The following GRM5 variants were observed in gnomAD, a reference collection of about 807,000 sequenced individuals.
The protein encoded by GRM5 is metabotropic glutamate receptor 5.
A neutral mutation model predicts 83.1 loss-of-function variants in GRM5; 19 were observed. The ratio of observed to expected loss-of-function variants is 0.23; its 90% confidence interval spans 0.16 to 0.34. The LOEUF (loss-of-function observed/expected upper bound fraction) is 0.34. Among genes scored for constraint, GRM5 ranks in the 10% least tolerant of loss-of-function variants. The pLI is 1.00. For synonymous variants in GRM5, 675 were observed against 633.6 expected (o/e 1.07, Z -0.98); for missense variants, 1,160 against 1,588.3 (o/e 0.73, Z 4.58).
At chr11:88,818,521 G>A (rs542531287) in intron 3 of GRM5, among the ~76,000 whole-genome samples, 2 of 152,138 alleles carry the variant, frequency 1.3e-5, no homozygotes, top group East Asian at 1.9e-4. Flanking sequence ...AGCAAGATTA[G>A]ATTTATAAAT....
At chr11:88,640,310 T>C (rs1939253620) in intron 4 of GRM5, among the ~76,000 whole-genome samples, 1 of 152,202 alleles carries the variant, frequency 6.6e-6, no homozygotes, top group Non-Finnish European at 1.5e-5. Context: ...AGTATAGTCT[T>C]TCCTAAAGTA....
intron 3 of GRM5, among the ~76,000 whole-genome samples, chr11:88,795,563 TAAC>T (rs1565234488): frequency 1.3e-5 from 2 of 152,196 alleles, no homozygotes; most frequent in Non-Finnish European, 2.9e-5. Context: ...CTGTTAATAA[TAAC>T]AATAATACCT....
Position 88,759,906 on chromosome 11 carries a change from A to G in GRM5, c.911+90000T>C, listed in dbSNP as rs545770165. 2.6e-5 allele frequency among the ~76,000 whole-genome samples: 4 copies of G among 152,250 alleles called. No individual in the cohort carries two copies. In the East Asian group the frequency reaches 7.7e-4, roughly 29 times the overall value. On this transcript the variant is annotated intron_variant, in intron 3 of 9. Transcript: ENST00000305447. ...AGACCACAACAAAATCAAATTAGAA[A>G]TCAAGACTAAGAAATGCACTCAAAA... is the stretch of plus-strand genomic sequence containing the variant.
At chr11:88,676,391 T>G in intron 3 of GRM5, among the ~76,000 whole-genome samples, 1 of 152,016 alleles carries the variant, frequency 6.6e-6, no homozygotes, top group East Asian at 1.9e-4. Context: ...CAAGCTGTTC[T>G]TTATTCACCT....
chr11:88,663,638 T>G (rs902155813), intron 3 of GRM5, among the ~76,000 whole-genome samples: 1 of 152,218 alleles, frequency 6.6e-6, no homozygotes, highest in Non-Finnish European at 1.5e-5. Flanking sequence ...AATCCCTTCT[T>G]CCACTGAATT....
chr11:88,619,402 C>CA (rs563689038), intron 4 of GRM5, among the ~76,000 whole-genome samples: 25 of 152,178 alleles, frequency 1.6e-4, no homozygotes, highest in Non-Finnish European at 2.6e-4. Flanking sequence ...CTTGATAATT[C>CA]AGAAGATGTG....
intron 3 of GRM5, among the ~76,000 whole-genome samples, chr11:88,828,620 C>T (rs1943933946): frequency 6.6e-6 from 1 of 151,950 alleles, no homozygotes; most frequent in Non-Finnish European, 1.5e-5. Flanking sequence ...AATTATTATA[C>T]ACCAGTGATT....
chr11:88,589,900 A>G (rs1333135217), intron 7 of GRM5, among the ~76,000 whole-genome samples: 3 of 152,176 alleles, frequency 2.0e-5, no homozygotes, highest in Admixed American at 6.5e-5. Flanking sequence ...ACATGAGTGC[A>G]TTTAATAAAT....
chr11:88,668,212 GCACACA>G (rs71046259), intron 3 of GRM5, among the ~76,000 whole-genome samples: 3 of 142,572 alleles, frequency 2.1e-5, no homozygotes, highest in African/African-American at 8.0e-5. Context: ...GCAGAAACTC[GCACACA>G]CACACACACA....
chr11:88,975,083 G>A (rs557314578), intron 2 of GRM5, among the ~76,000 whole-genome samples: 8 of 152,298 alleles, frequency 5.3e-5, no homozygotes, highest in Non-Finnish European at 1.0e-4. Flanking sequence ...AGAATTAGAC[G>A]TTTAGGACTT....
At chr11:88,959,958 A>G (rs1037470705) in intron 2 of GRM5, among the ~76,000 whole-genome samples, 3 of 152,210 alleles carry the variant, frequency 2.0e-5, no homozygotes, top group Non-Finnish European at 2.9e-5. Context: ...TCAGTTTAAC[A>G]TATGGTGTTT....
At chr11:88,874,227 G>A (rs1231698552) in intron 2 of GRM5, among the ~76,000 whole-genome samples, 1 of 151,370 alleles carries the variant, frequency 6.6e-6, no homozygotes, top group Non-Finnish European at 1.5e-5. Context: ...CATGGTATTT[G>A]CATAAAAAAC....
chr11:88,679,168 C>A (rs1481703281), intron 3 of GRM5, among the ~76,000 whole-genome samples: 1 of 152,136 alleles, frequency 6.6e-6, no homozygotes, highest in African/African-American at 2.4e-5. Context: ...AATTAAGTTT[C>A]AGTTGCACTG....
At chr11:89,061,526 A>C (rs1941991868) in intron 1 of GRM5, among the ~76,000 whole-genome samples, 1 of 152,252 alleles carries the variant, frequency 6.6e-6, no homozygotes, top group Admixed American at 6.5e-5. Flanking sequence ...AAGTCATTTT[A>C]ACATGAAACA....
intron 3 of GRM5, among the ~76,000 whole-genome samples, chr11:88,667,413 C>T (rs1485417640): frequency 6.6e-6 from 1 of 151,866 alleles, no homozygotes; most frequent in African/African-American, 2.4e-5. Context: ...TATGATGAAT[C>T]CAAGCAAAAT....
chr11:88,803,812 C>G (rs1243171187), intron 3 of GRM5, among the ~76,000 whole-genome samples: 8 of 152,114 alleles, frequency 5.3e-5, no homozygotes, highest in Admixed American at 2.0e-4. Flanking sequence ...TATCCAGAAG[C>G]TACAATGAAC....
intron 8 of GRM5, among the ~76,000 whole-genome samples, chr11:88,546,247 T>A (rs564358233): frequency 2.6e-5 from 4 of 152,192 alleles, no homozygotes; most frequent in Admixed American, 6.5e-5. Context: ...TCTCTTTTTT[T>A]AATGACAATT....
intron 2 of GRM5, among the ~76,000 whole-genome samples, chr11:88,934,601 G>C (rs925388375): frequency 2.0e-5 from 3 of 151,792 alleles, no homozygotes; most frequent in African/African-American, 7.2e-5. Context: ...GTTGTACATC[G>C]TGATTTAATT....
In GRM5 at chr11:89,023,889, AT is replaced by A. The variant is rs1157019242; in HGVS notation, c.661+23322del. Among the ~76,000 whole-genome samples, 1,106 of 114,582 alleles carry A rather than the reference AT, an allele frequency of 9.7e-3. 12 individuals carry two copies. The highest frequency in any genetic ancestry group is 0.031 in the African/African-American group (1,020 of 32,692). The allele number at this position is 114,582 out of a possible 152,430, so 75.2% of individuals were successfully genotyped here. ...AATAAATAAATAAATAAATAAATAA[AT>A]AAATAAAAATAAATTTTAAAATAAT... On this transcript the variant is annotated intron_variant, in intron 2 of 9. Coordinates refer to ENST00000305447, the MANE Select transcript of GRM5 (RefSeq NM_001143831.3).
Sources: allele counts gnomAD v4.1 joint callset (sites outside exome capture counted in the v4.1 genomes callset), GRCh38; gene constraint gnomAD v4.1.1; transcripts MANE v1.5; gene names NCBI Gene and HGNC (gene_info 2026-07-23, HGNC 2026-07-21).